The following ARHGEF10 variants were observed in gnomAD, a reference collection of about 807,000 sequenced individuals.
ARHGEF10 encodes Rho guanine nucleotide exchange factor 10.
In ARHGEF10, 140 loss-of-function variants were observed where a neutral mutation model predicts 147.4. The observed-to-expected ratio is 0.95, with a 90% CI of 0.83 to 1.09. The LOEUF (loss-of-function observed/expected upper bound fraction) is 1.09. ARHGEF10 is among the 50% of genes least tolerant of loss of function. ARHGEF10 has a pLI of 0.00. For synonymous variants in ARHGEF10, 902 were observed against 695.8 expected (o/e 1.30, Z -4.67); for missense variants, 2,222 against 1,752.7 (o/e 1.27, Z -4.78).
Position 1,926,657 on chromosome 8 carries a change from T to C in ARHGEF10, c.2697+194T>C. 3 of 647,868 alleles carry C rather than the reference T, an allele frequency of 4.6e-6. No individual in the cohort carries two copies. In the South Asian group the frequency reaches 5.1e-5, roughly 11 times the overall value. The allele number at this position is 647,868 out of a possible 1,614,324, so 40.1% of individuals were successfully genotyped here. A position where few individuals can be genotyped will look rare whatever the true frequency, so the allele number is the denominator to read the frequency against. On this transcript the variant is annotated intron_variant, in intron 23 of 28. Coordinates refer to ENST00000349830, the MANE Select transcript of ARHGEF10 (RefSeq NM_014629.4). ...GGAAAAGATTTACAGTTCTTAGGAATGCAAATATTTGTTTCTTTTCCTTTT... is the reference window on the plus strand; with the variant it reads ...GGAAAAGATTTACAGTTCTTAGGAACGCAAATATTTGTTTCTTTTCCTTTT...
chr8:1,896,356 T>C lies in ARHGEF10; in HGVS notation c.1464T>C (p.Asp488=). The C allele has an allele frequency of 3.7e-6, 6 of 1,613,970 alleles. No homozygotes were observed. The highest frequency in any genetic ancestry group is 5.1e-6 in the Non-Finnish European group (6 of 1,179,916). Residue 488 remains aspartate (D), a synonymous_variant, in exon 14 of 29, where the codon GAT becomes GAC. Transcript: ENST00000349830. ...AGTTTTCTAAGTCCATGGTGCTGGA[T>C]GCATACAGTGAATATGTGAACAATT... The part of the protein sequence containing the change: ...VASFSKSMVL[D]AYSEYVNNFS...
chr8:1,929,498 G>A, intron 25 of ARHGEF10, 55 bp downstream of exon 25: 9 of 1,542,982 alleles, frequency 5.8e-6, no homozygotes, highest in Non-Finnish European at 7.0e-6. Flanking sequence ...TCAGGGGACT[G>A]TGCATCCGGT....
At chr8:1,862,852 C>T (rs1227121366) in intron 4 of ARHGEF10, among the ~76,000 whole-genome samples, 1 of 148,868 alleles carries the variant, frequency 6.7e-6, no homozygotes. Flanking sequence ...GATCTCGGCT[C>T]ACTGCAAGCT....
chr8:1,921,305 T>C (rs1812269809), intron 18 of ARHGEF10, among the ~76,000 whole-genome samples: 2 of 152,252 alleles, frequency 1.3e-5, no homozygotes, highest in African/African-American at 4.8e-5. Context: ...TGGAAATATG[T>C]AGGTTCTTTC....
chr8:1,878,899 C>G (rs1180989664), intron 8 of ARHGEF10, among the ~76,000 whole-genome samples: 1 of 152,164 alleles, frequency 6.6e-6, no homozygotes, highest in Non-Finnish European at 1.5e-5. Context: ...GCGCTGGGCT[C>G]TGCATTTCCA....
At chr8:1,896,534 C>A in intron 14 of ARHGEF10, 85 bp downstream of exon 14, 1 of 972,328 alleles carries the variant, frequency 1.0e-6, no homozygotes, top group African/African-American at 1.6e-5. Context: ...TGCAGTTATT[C>A]GTTATTAAGA....
intron 13 of ARHGEF10, among the ~76,000 whole-genome samples, chr8:1,895,038 G>T (rs527870196): frequency 6.6e-6 from 1 of 152,332 alleles, no homozygotes; most frequent in South Asian, 2.1e-4. Flanking sequence ...AAAATTCCTA[G>T]ATGTTTTCTC....
rs767902219 is a variant in ARHGEF10, at chr8:1,866,584, A to C, written c.604A>C (p.Asn202His). ...TGCCCGCTGGGCCGCAGACCCGGCC[A>C]ACACAGCCTGGATGGAGAGTAAGTT... Reference protein sequence around the residue: ...ALARWAADPANTAWMENPEEA... With the variant: ...ALARWAADPAHTAWMENPEEA... Residue 202 changes from asparagine (N) to histidine (H), a missense_variant, in exon 6 of 29, where the codon AAC becomes CAC. Asn to His is a moderately conservative substitution (Grantham distance 68). Coordinates refer to ENST00000349830, the MANE Select transcript of ARHGEF10 (RefSeq NM_014629.4). 4.4e-6 allele frequency: 7 copies of C among 1,606,642 alleles called. No individual in the cohort carries two copies. The highest frequency in any genetic ancestry group is 5.9e-6 in the Non-Finnish European group (7 of 1,180,000).
intron 7 of ARHGEF10, among the ~76,000 whole-genome samples, chr8:1,874,994 G>A (rs1450302600): frequency 1.3e-4 from 4 of 30,440 alleles, no homozygotes; most frequent in Non-Finnish European, 1.3e-4. Context: ...AGTCTGGTGG[G>A]AGAGTGCAGA....
chr8:1,850,707 A>G (rs1384067768), intron 2 of ARHGEF10, among the ~76,000 whole-genome samples: 1 of 152,182 alleles, frequency 6.6e-6, no homozygotes, highest in African/African-American at 2.4e-5. Flanking sequence ...ATTTATTTAA[A>G]TGAGTTGAAA....
At chr8:1,834,250 GTGAC>G (rs1445658892) in intron 1 of ARHGEF10, among the ~76,000 whole-genome samples, 7 of 152,256 alleles carry the variant, frequency 4.6e-5, no homozygotes, top group Non-Finnish European at 7.3e-5. Context: ...CGGTTAGCTC[GTGAC>G]TGACTGTGTT....
chr8:1,853,491 A>G (rs1434151303), intron 2 of ARHGEF10, among the ~76,000 whole-genome samples: 1 of 151,586 alleles, frequency 6.6e-6, no homozygotes, highest in Admixed American at 6.5e-5. Context: ...TCTAGTTTGC[A>G]AATTGTAGTT....
chr8:1,938,408 T>C (rs1813799275), intron 26 of ARHGEF10, among the ~76,000 whole-genome samples: 1 of 152,172 alleles, frequency 6.6e-6, no homozygotes, highest in Non-Finnish European at 1.5e-5. Context: ...TTCCTCACTC[T>C]TGATTTTCTG....
chr8:1,944,854 T>TG (rs751043739), intron 26 of ARHGEF10, among the ~76,000 whole-genome samples: 65 of 152,180 alleles, frequency 4.3e-4, no homozygotes, highest in Admixed American at 8.5e-4. Context: ...TGAGGCCATG[T>TG]TGGGGGGTCG....
intron 11 of ARHGEF10, among the ~76,000 whole-genome samples, chr8:1,887,419 A>C (rs1481068175): frequency 6.9e-6 from 1 of 145,800 alleles, no homozygotes; most frequent in Admixed American, 6.7e-5. Flanking sequence ...CCAGACCCTG[A>C]GTGGGGTGTG....
At chr8:1,946,529 C>T (rs1348798951) in intron 27 of ARHGEF10, among the ~76,000 whole-genome samples, 4 of 152,154 alleles carry the variant, frequency 2.6e-5, no homozygotes, top group Non-Finnish European at 4.4e-5. Context: ...AAGAAAGAGC[C>T]CTGGGGTCTC....
At chr8:1,931,385 C>T (rs1813131473) in intron 25 of ARHGEF10, among the ~76,000 whole-genome samples, 1 of 152,200 alleles carries the variant, frequency 6.6e-6, no homozygotes, top group South Asian at 2.1e-4. Flanking sequence ...GGTTTACTAG[C>T]GAGCATCTCT....
intron 1 of ARHGEF10, among the ~76,000 whole-genome samples, chr8:1,836,008 C>T (rs1270161989): frequency 1.3e-5 from 2 of 151,934 alleles, no homozygotes; most frequent in Non-Finnish European, 2.9e-5. Flanking sequence ...GGTGAAACCC[C>T]GTCTCTATTA....
chr8:1,924,189 C>T (rs532075001), intron 21 of ARHGEF10, among the ~76,000 whole-genome samples: 3 of 150,234 alleles, frequency 2.0e-5, no homozygotes, highest in South Asian at 2.1e-4. Context: ...GTGCTCAAGG[C>T]GGGCGGCGGG....
Sources: gnomAD v4.1 joint callset for allele counts (sites outside exome capture counted in the v4.1 genomes callset) on GRCh38, gnomAD v4.1.1 for gene constraint, MANE v1.5 for transcripts, NCBI Gene and HGNC (gene_info 2026-07-23, HGNC 2026-07-21) for gene names.